Variants in FLRT1 observed in about 807,000 individuals in gnomAD.
FLRT1 encodes leucine-rich repeat transmembrane protein FLRT1.
In FLRT1, 14 loss-of-function variants were observed where a neutral mutation model predicts 30.9. The observed-to-expected ratio is 0.45, with a 90% CI of 0.30 to 0.71. The LOEUF is 0.71. FLRT1 is among the 30% of genes least tolerant of loss of function. The pLI is 0.08. For missense variants in FLRT1, 737 were observed against 949.2 expected (o/e 0.78, Z 2.94); for synonymous variants, 368 against 430.4 (o/e 0.85, Z 1.80).
chr11:64,071,734 T>C (rs1025338945), intron 1 of FLRT1, among the ~76,000 whole-genome samples: 1 of 152,140 alleles, frequency 6.6e-6, no homozygotes, highest in African/African-American at 2.4e-5. Context: ...CAGGAGGCCC[T>C]AGAGTCACAG....
Position 64,064,682 on chromosome 11 carries a change from A to G in FLRT1, c.-1038+28523A>G, listed in dbSNP as rs539920635. ...GCAGGACATTAAACGGCACCGAGAT[A>G]GAAGGAGGGGGGCCCTCCCTGAGTT... On this transcript the variant is annotated intron_variant, in intron 1 of 2. Coordinates refer to ENST00000682287, the MANE Select transcript of FLRT1 (RefSeq NM_013280.5). The surrounding 1 kb of genome is among the most constrained non-coding windows in gnomAD (Gnocchi z 4.5). Among the ~76,000 whole-genome samples, 1,637 of 148,578 alleles carry G rather than the reference A, an allele frequency of 0.011. 30 individuals carry two copies. The highest frequency in any genetic ancestry group is 0.038 in the African/African-American group (1,542 of 40,716).
intron 1 of FLRT1, among the ~76,000 whole-genome samples, chr11:64,055,696 C>T (rs1943772203): frequency 6.6e-6 from 1 of 152,140 alleles, no homozygotes; most frequent in Non-Finnish European, 1.5e-5. Context: ...GATGGGTGGA[C>T]AGATGGATGG....
At chr11:64,111,147 G>T (rs1944855884) in intron 2 of FLRT1, among the ~76,000 whole-genome samples, 1 of 152,222 alleles carries the variant, frequency 6.6e-6, no homozygotes, top group Admixed American at 6.5e-5. Flanking sequence ...AGCTGAGCGG[G>T]CGCTGGGAAC....
At chr11:64,045,906 G>T (rs1174379481) in intron 1 of FLRT1, among the ~76,000 whole-genome samples, 3 of 152,168 alleles carry the variant, frequency 2.0e-5, no homozygotes, top group Non-Finnish European at 4.4e-5. Flanking sequence ...GGGCAACATA[G>T]CGAGACCCCA....
intron 1 of FLRT1, among the ~76,000 whole-genome samples, chr11:64,080,928 C>A (rs1944291653): frequency 6.6e-6 from 1 of 152,210 alleles, no homozygotes; most frequent in Non-Finnish European, 1.5e-5. Context: ...ATCCCCACTG[C>A]TCCTGAAGTC....
At chr11:64,083,660 G>A (rs1944341949) in intron 1 of FLRT1, among the ~76,000 whole-genome samples, 1 of 152,222 alleles carries the variant, frequency 6.6e-6, no homozygotes, top group African/African-American at 2.4e-5. Context: ...AGATGCCAAC[G>A]CCGGGTCAGA....
chr11:64,039,597 C>T (rs748484572), intron 1 of FLRT1, among the ~76,000 whole-genome samples: 118 of 152,166 alleles, frequency 7.8e-4, no homozygotes, highest in Non-Finnish European at 1.3e-3. Context: ...GACAGCACCC[C>T]TGTTTTGCCC....
At chr11:64,107,274 G>A (rs1206970173) in intron 2 of FLRT1, among the ~76,000 whole-genome samples, 2 of 152,364 alleles carry the variant, frequency 1.3e-5, no homozygotes, top group Middle Eastern at 3.4e-3. Context: ...AATATCAGGT[G>A]TAGGAGCATC....
chr11:64,109,680 G>A (rs1373050253), intron 2 of FLRT1, among the ~76,000 whole-genome samples: 1 of 152,150 alleles, frequency 6.6e-6, no homozygotes, highest in Non-Finnish European at 1.5e-5. Context: ...GCCTCCCATG[G>A]GAGGCTGGTG....
At chr11:64,103,081 CA>C in intron 1 of FLRT1, 112 bp from the exon 2 acceptor site, 1 of 150,786 alleles carries the variant, frequency 6.6e-6, no homozygotes, top group Non-Finnish European at 1.5e-5. Flanking sequence ...AAAAAAAAAA[CA>C]AAAAAACAGG....
chr11:64,039,499 T>C (rs1306195972), intron 1 of FLRT1, among the ~76,000 whole-genome samples: 1 of 151,846 alleles, frequency 6.6e-6, no homozygotes, highest in Non-Finnish European at 1.5e-5. Context: ...GGCAGCTGCA[T>C]TCTGTCCTCT....
intron 2 of FLRT1, among the ~76,000 whole-genome samples, 193 bp from the exon 3 acceptor site, chr11:64,116,026 G>A (rs1285063925): frequency 6.6e-6 from 1 of 152,178 alleles, no homozygotes; most frequent in Non-Finnish European, 1.5e-5. Context: ...GTTAGAGTCC[G>A]ACCTCGGCGG....
intron 1 of FLRT1, among the ~76,000 whole-genome samples, chr11:64,097,111 C>G (rs997445085): frequency 6.6e-6 from 1 of 152,222 alleles, no homozygotes. Flanking sequence ...TTTCTAGGTC[C>G]CTGTTGCTCA....
At chr11:64,074,775 A>T (rs548672764) in intron 1 of FLRT1, among the ~76,000 whole-genome samples, 1 of 152,278 alleles carries the variant, frequency 6.6e-6, no homozygotes, top group Admixed American at 6.5e-5. Flanking sequence ...TCATGAAACA[A>T]GCAGGTTATT....
At chr11:64,063,867 C>A (rs1943948973) in intron 1 of FLRT1, among the ~76,000 whole-genome samples, 1 of 152,364 alleles carries the variant, frequency 6.6e-6, no homozygotes, top group South Asian at 2.1e-4. Context: ...CCGCTTTCTC[C>A]CCAGCCCCAG....
At chr11:64,101,116 G>T (rs1398933634) in intron 1 of FLRT1, among the ~76,000 whole-genome samples, 4 of 152,020 alleles carry the variant, frequency 2.6e-5, no homozygotes, top group Non-Finnish European at 4.4e-5. Flanking sequence ...GACCACACAA[G>T]CCAAGCAGAG....
intron 1 of FLRT1, among the ~76,000 whole-genome samples, chr11:64,055,159 C>T (rs1180470643): frequency 6.6e-6 from 1 of 152,224 alleles, no homozygotes; most frequent in Non-Finnish European, 1.5e-5. Flanking sequence ...CCAGATCCAC[C>T]ATGCCCAGCA....
At chr11:64,115,655 G>A (rs556050379) in intron 2 of FLRT1, among the ~76,000 whole-genome samples, 1 of 152,234 alleles carries the variant, frequency 6.6e-6, no homozygotes, top group East Asian at 1.9e-4. Context: ...CGTTCCCGCA[G>A]GTTCTGGCGA....
chr11:64,056,859 C>A (rs1354480018), intron 1 of FLRT1, among the ~76,000 whole-genome samples: 1 of 151,674 alleles, frequency 6.6e-6, no homozygotes, highest in Non-Finnish European at 1.5e-5. Flanking sequence ...CTTCTAAACT[C>A]ATCTACACTC....
Sources: allele counts gnomAD v4.1 joint callset (sites outside exome capture counted in the v4.1 genomes callset), GRCh38; gene constraint gnomAD v4.1.1; non-coding constraint Gnocchi (gnomAD v3.1); transcripts MANE v1.5; gene names NCBI Gene and HGNC (gene_info 2026-07-23, HGNC 2026-07-21).